CLSTN2: variants seen among roughly 807,000 people sequenced by gnomAD.
CLSTN2 encodes calsyntenin 2.
Under a neutral mutation model 101.2 loss-of-function variants are expected in CLSTN2, and 48 were observed. That is an observed-to-expected ratio of 0.47 (90% CI 0.38 to 0.60). The LOEUF (loss-of-function observed/expected upper bound fraction) is 0.60, where lower values mean the gene tolerates loss of function less well. Among genes scored for constraint, CLSTN2 ranks in the 20% least tolerant of loss-of-function variants. CLSTN2 has a pLI of 0.00. For missense variants in CLSTN2, 1,160 were observed against 1,238.2 expected, an observed-to-expected ratio of 0.94 and a Z score of 0.95; for synonymous variants, 481 against 463.6, an observed-to-expected ratio of 1.04 and a Z score of -0.48.
At chr3:140,385,442 C>T (rs1358141979) in intron 2 of CLSTN2, among the ~76,000 whole-genome samples, 3 of 144,610 alleles carry the variant, frequency 2.1e-5, no homozygotes, top group East Asian at 2.0e-4. Context: ...GATCTCGACT[C>T]GCTGTAAACT....
intron 2 of CLSTN2, among the ~76,000 whole-genome samples, chr3:140,288,045 A>T (rs1346623429): frequency 6.7e-6 from 1 of 148,792 alleles, no homozygotes; most frequent in Non-Finnish European, 1.5e-5. Context: ...TTTTAACTCA[A>T]CCAACTGATG....
intron 2 of CLSTN2, among the ~76,000 whole-genome samples, chr3:140,296,580 G>A (rs2087006430): frequency 1.3e-5 from 2 of 152,156 alleles, no homozygotes; most frequent in Non-Finnish European, 2.9e-5. Context: ...TAATTGGGAT[G>A]CTCATCATTT....
chr3:140,219,819 A>G (rs2086251154), intron 2 of CLSTN2, among the ~76,000 whole-genome samples: 1 of 152,188 alleles, frequency 6.6e-6, no homozygotes, highest in Non-Finnish European at 1.5e-5. Context: ...TGTGCTATGT[A>G]AAATAGTGGG....
chr3:140,191,766 T>C (rs1478116100), intron 2 of CLSTN2, among the ~76,000 whole-genome samples: 1 of 151,994 alleles, frequency 6.6e-6, no homozygotes, highest in Non-Finnish European at 1.5e-5. Context: ...TGATAACTTA[T>C]ATTTTCACTA....
At chr3:140,474,297 G>T (rs1933928984) in intron 8 of CLSTN2, among the ~76,000 whole-genome samples, 1 of 152,042 alleles carries the variant, frequency 6.6e-6, no homozygotes. Flanking sequence ...CTCTACCACA[G>T]GTCTCCACAG....
rs115473961 is a variant in CLSTN2 at position 140,473,039 on chromosome 3, G to A, written c.1344+6308G>A. ...CCTCAGACCCACATGGGACATCCTG[G>A]GCTTCTCAGGTCAGAGTTGTGCAAT... is the stretch of plus-strand genomic sequence containing the variant. On this transcript the variant is annotated intron_variant, in intron 8 of 16. Transcript: ENST00000458420. Among the ~76,000 whole-genome samples the A allele has an allele frequency of 8.0e-3, 1,212 of 152,292 alleles. 10 individuals are homozygous for A. Among genetic ancestry groups the A allele is most frequent in the African/African-American group, 0.027 (1,120 of 41,552 alleles).
At chr3:140,378,502 G>A (rs552399447) in intron 2 of CLSTN2, among the ~76,000 whole-genome samples, 1 of 152,332 alleles carries the variant, frequency 6.6e-6, no homozygotes, top group Non-Finnish European at 1.5e-5. Flanking sequence ...TAGGAAAGGT[G>A]GAGCTCAAGA....
intron 5 of CLSTN2, among the ~76,000 whole-genome samples, chr3:140,421,981 C>G (rs2088511650): frequency 6.6e-6 from 1 of 152,146 alleles, no homozygotes; most frequent in African/African-American, 2.4e-5. Context: ...GCCAATAGAT[C>G]TGGTGGCTGA....
chr3:140,210,125 A>C (rs1179737189), intron 2 of CLSTN2, among the ~76,000 whole-genome samples: 2 of 152,196 alleles, frequency 1.3e-5, no homozygotes, highest in African/African-American at 2.4e-5. Context: ...GCATCATGTC[A>C]TCTGTGTGAT....
chr3:140,217,961 C>T (rs2010940633), intron 2 of CLSTN2, among the ~76,000 whole-genome samples: 1 of 152,194 alleles, frequency 6.6e-6, no homozygotes, highest in African/African-American at 2.4e-5. Flanking sequence ...TGTATCCCCA[C>T]TCAAAACCTT....
chr3:140,018,269 T>A (rs767438337), intron 1 of CLSTN2, among the ~76,000 whole-genome samples: 1 of 152,212 alleles, frequency 6.6e-6, no homozygotes, highest in Non-Finnish European at 1.5e-5. Context: ...GAAAACCCAC[T>A]TGCAGTTGTA....
intron 1 of CLSTN2, among the ~76,000 whole-genome samples, chr3:140,129,398 C>G (rs927217524): frequency 6.6e-6 from 1 of 152,148 alleles, no homozygotes; most frequent in East Asian, 1.9e-4. Flanking sequence ...AAGTTCAAAC[C>G]TAGCTTCTTT....
chr3:140,575,007 A>G lies in CLSTN2; in HGVS notation c.*8754A>G, dbSNP rs1256441092. On this transcript the variant is annotated 3_prime_UTR_variant, in exon 17 of 17. Coordinates refer to ENST00000458420, the MANE Select transcript of CLSTN2 (RefSeq NM_022131.3). The stretch of plus-strand genomic sequence containing the variant: ...GGCAAAAGTGCATCCATCCTGGCCA[A>G]TATAGAACACTCACATCTGGAGCCC... 1 of 152,224 alleles carries G rather than the reference A, an allele frequency of 6.6e-6. No individual in the cohort carries two copies. The highest frequency in any genetic ancestry group is 6.5e-5 in the Admixed American group (1 of 15,280). 9.4% of individuals were successfully genotyped at this position (152,224 alleles called of 1,614,324 possible).
intron 5 of CLSTN2, among the ~76,000 whole-genome samples, chr3:140,428,202 G>A (rs996954277): frequency 4.6e-5 from 7 of 152,084 alleles, no homozygotes; most frequent in African/African-American, 1.7e-4. Flanking sequence ...ATGTTATGCT[G>A]TTTGGAGAAA....
At chr3:140,272,153 G>T (rs1259882119) in intron 2 of CLSTN2, among the ~76,000 whole-genome samples, 3 of 152,152 alleles carry the variant, frequency 2.0e-5, no homozygotes, top group Non-Finnish European at 4.4e-5. Flanking sequence ...TTTTGCTCGT[G>T]TCTAGATTCC....
intron 2 of CLSTN2, among the ~76,000 whole-genome samples, chr3:140,270,524 T>G (rs1304967004): frequency 6.6e-6 from 1 of 152,184 alleles, no homozygotes; most frequent in Non-Finnish European, 1.5e-5. Flanking sequence ...ACATGTCACC[T>G]GGCCGCAACT....
At chr3:140,025,176 C>A (rs2007393119) in intron 1 of CLSTN2, among the ~76,000 whole-genome samples, 1 of 152,120 alleles carries the variant, frequency 6.6e-6, no homozygotes, top group African/African-American at 2.4e-5. Flanking sequence ...GCATTGTTAC[C>A]CAAGCAATTT....
intron 2 of CLSTN2, among the ~76,000 whole-genome samples, chr3:140,242,412 A>G (rs1331167528): frequency 1.3e-5 from 2 of 152,170 alleles, no homozygotes; most frequent in Admixed American, 6.5e-5. Context: ...AGGTGGCCCT[A>G]AGTCTTCCAT....
At chr3:140,323,139 T>C (rs2087299449) in intron 2 of CLSTN2, among the ~76,000 whole-genome samples, 1 of 152,230 alleles carries the variant, frequency 6.6e-6, no homozygotes, top group South Asian at 2.1e-4. Context: ...GGAGGGGTTC[T>C]GTCCTTGAGC....
Sources: gnomAD v4.1 joint callset for allele counts (sites outside exome capture counted in the v4.1 genomes callset) on GRCh38, gnomAD v4.1.1 for gene constraint, MANE v1.5 for transcripts, NCBI Gene and HGNC (gene_info 2026-07-23, HGNC 2026-07-21) for gene names.